The following COL28A1 variants were observed in gnomAD, a reference collection of about 807,000 sequenced individuals.
COL28A1 encodes the protein collagen type XXVIII alpha 1 chain.
A neutral mutation model predicts 150.2 loss-of-function variants in COL28A1; 161 were observed. The ratio of observed to expected loss-of-function variants is 1.07; its 90% CI spans 0.94 to 1.22. The LOEUF (loss-of-function observed/expected upper bound fraction) is 1.22, where lower values mean the gene tolerates loss of function less well. Ranked by LOEUF, COL28A1 falls within the 50% of genes most tolerant of loss-of-function variation. COL28A1 has a pLI of 0.00. For missense variants in COL28A1, 1,617 were observed against 1,388.3 expected (o/e 1.16, Z -2.62); for synonymous variants, 552 against 469.7 (o/e 1.18, Z -2.26).
intron 9 of COL28A1, among the ~76,000 whole-genome samples, chr7:7,509,661 T>C (rs1020396864): frequency 4.6e-5 from 7 of 152,352 alleles, no homozygotes; most frequent in African/African-American, 1.4e-4. Context: ...GTTATTCCTT[T>C]TTGGTATGGA....
intron 27 of COL28A1, among the ~76,000 whole-genome samples, chr7:7,382,676 C>G (rs1341230476): frequency 1.3e-5 from 2 of 152,102 alleles, no homozygotes; most frequent in Non-Finnish European, 2.9e-5. Flanking sequence ...GCTTGAAGGA[C>G]CACGGGCTCC....
At chr7:7,536,355 A>C (rs1782637709), upstream of COL28A1, among the ~76,000 whole-genome samples, 1 of 152,178 alleles carries the variant, frequency 6.6e-6, no homozygotes, top group Non-Finnish European at 1.5e-5. Context: ...ACAGGGAAAG[A>C]GTGGTCTGAG....
chr7:7,415,715 G>A lies in COL28A1; in HGVS notation c.2136+2144C>T, dbSNP rs1380193104. On this transcript the variant is annotated intron_variant, in intron 27 of 34. Coordinates refer to ENST00000399429, the MANE Select transcript of COL28A1 (RefSeq NM_001037763.3). ...TGCCTGGCTAATTTTTGTATTTTTA[G>A]TAGAGATGGGGTTTCACCATATTGG... 3.3e-5 allele frequency among the ~76,000 whole-genome samples: 5 copies of A among 151,992 alleles called. No individual in the cohort carries two copies. In the East Asian group the frequency reaches 9.6e-4, roughly 29 times the overall value.
At chr7:7,535,163 T>C (rs937079662) in intron 1 of COL28A1, among the ~76,000 whole-genome samples, 2 of 152,314 alleles carry the variant, frequency 1.3e-5, no homozygotes, top group Middle Eastern at 3.4e-3. Context: ...GTGTTTACTA[T>C]AGGTTACATT....
chr7:7,451,289 G>A (rs546658290), intron 18 of COL28A1, among the ~76,000 whole-genome samples: 5 of 151,664 alleles, frequency 3.3e-5, no homozygotes, highest in South Asian at 2.1e-4. Flanking sequence ...GCAGTGGCGC[G>A]ATCTCAGCTC....
At chr7:7,397,160 G>T (rs1217317251) in intron 27 of COL28A1, among the ~76,000 whole-genome samples, 2 of 152,132 alleles carry the variant, frequency 1.3e-5, no homozygotes, top group African/African-American at 4.8e-5. Context: ...GTGTCAACAG[G>T]GCTGGTTTCC....
intron 8 of COL28A1, among the ~76,000 whole-genome samples, chr7:7,513,120 A>C (rs1781236706): frequency 6.6e-6 from 1 of 152,264 alleles, no homozygotes. Flanking sequence ...CAGTTTCAAC[A>C]GCAGTGCTCT....
chr7:7,429,454 T>C (rs1784825605), intron 25 of COL28A1, among the ~76,000 whole-genome samples: 1 of 136,852 alleles, frequency 7.3e-6, no homozygotes, highest in South Asian at 2.4e-4. Context: ...TCTTTCTCTC[T>C]GTGCTCTGTG....
chr7:7,442,691 C>T (rs931696583), intron 20 of COL28A1, among the ~76,000 whole-genome samples: 10 of 152,196 alleles, frequency 6.6e-5, no homozygotes, highest in Admixed American at 1.3e-4. Context: ...TTTTACTTGA[C>T]TTGTATATAA....
chr7:7,489,239 C>T, intron 13 of COL28A1, 150 bp downstream of exon 13: 1 of 601,634 alleles, frequency 1.7e-6, no homozygotes, highest in African/African-American at 1.9e-5. Context: ...CACTGCATTC[C>T]AGCCTGGGTG....
chr7:7,469,572 C>G (rs1788258548), intron 15 of COL28A1, among the ~76,000 whole-genome samples: 1 of 94,124 alleles, frequency 1.1e-5, no homozygotes, highest in African/African-American at 4.4e-5. Flanking sequence ...CCCCATCAAG[C>G]TACCAATGAC....
chr7:7,507,000 C>A, intron 10 of COL28A1, 117 bp downstream of exon 10: 3 of 644,332 alleles, frequency 4.7e-6, no homozygotes, highest in East Asian at 2.7e-5. Flanking sequence ...TAATGCCTGG[C>A]TTCAATCCCC....
chr7:7,422,634 AAG>A (rs1420815971), intron 25 of COL28A1, among the ~76,000 whole-genome samples: 1 of 151,788 alleles, frequency 6.6e-6, no homozygotes, highest in Admixed American at 6.6e-5. Flanking sequence ...GTCTCCAAAA[AAG>A]AAAAAAAAAA....
At position 7,522,806 on chromosome 7, in the gene COL28A1, C is replaced by CAAAAAAAAAAAAAAAAAAAAAAAAAAAA. The variant is rs200294353; in HGVS notation, c.703-873_703-846dup. On this transcript the variant is annotated intron_variant, in intron 4 of 34. Coordinates refer to ENST00000399429, the MANE Select transcript of COL28A1 (RefSeq NM_001037763.3). ...ACTAACACTAACGATAGCTGAAGAG[C>CAAAAAAAAAAAAAAAAAAAAAAAAAAAA]AAAAAAAAAAAAAAAAAAAAAAAAA... is the stretch of plus-strand genomic sequence containing the variant. 8.4e-4 allele frequency among the ~76,000 whole-genome samples: 78 copies of CAAAAAAAAAAAAAAAAAAAAAAAAAAAA among 93,170 alleles called. 4 individuals carry two copies. The highest frequency in any genetic ancestry group is 1.2e-3 in the Non-Finnish European group (58 of 50,024). The allele number at this position is 93,170 out of a possible 152,430, so 61.1% of individuals were successfully genotyped here. A position where few individuals can be genotyped will look rare whatever the true frequency, so the allele number is the denominator to read the frequency against.
intron 15 of COL28A1, among the ~76,000 whole-genome samples, chr7:7,457,433 C>T (rs762849307): frequency 6.6e-6 from 1 of 151,944 alleles, no homozygotes; most frequent in Non-Finnish European, 1.5e-5. Context: ...GAAGAAAAAG[C>T]CTGAGAGAAA....
chr7:7,343,179 A>C, the COL28A1 span, among the ~76,000 whole-genome samples: 3 of 151,406 alleles, frequency 2.0e-5, no homozygotes, highest in African/African-American at 7.3e-5. Context: ...TATATATATA[A>C]GTGTAGATTT....
intron 9 of COL28A1, among the ~76,000 whole-genome samples, chr7:7,508,228 T>A (rs946960102): frequency 1.4e-5 from 2 of 147,680 alleles, no homozygotes; most frequent in African/African-American, 5.0e-5. Flanking sequence ...CGAGACTCTG[T>A]CTCAAAAAAA....
At chr7:7,530,492 C>T (rs1050209519) in intron 3 of COL28A1, among the ~76,000 whole-genome samples, 6 of 152,184 alleles carry the variant, frequency 3.9e-5, no homozygotes, top group African/African-American at 1.4e-4. Flanking sequence ...ATAAAGGACA[C>T]CTTTGCCTTC....
chr7:7,435,451 T>C (rs997110182), intron 23 of COL28A1, among the ~76,000 whole-genome samples: 1 of 152,160 alleles, frequency 6.6e-6, no homozygotes, highest in Non-Finnish European at 1.5e-5. Context: ...TTGCCCAAGA[T>C]TTTCCCAGTT....
Sources: allele counts gnomAD v4.1 joint callset (sites outside exome capture counted in the v4.1 genomes callset), GRCh38; gene constraint gnomAD v4.1.1; transcripts MANE v1.5; gene names NCBI Gene and HGNC (gene_info 2026-07-23, HGNC 2026-07-21).